The following CALN1 variants were observed in gnomAD, a reference collection of about 807,000 sequenced individuals.
The protein encoded by CALN1 is calneuron 1.
In CALN1, 17 loss-of-function variants were observed where a neutral mutation model predicts 30.6. The ratio of observed to expected loss-of-function variants is 0.56; its 90% CI spans 0.38 to 0.83. CALN1 has a LOEUF of 0.83. Among genes scored for constraint, CALN1 ranks in the 40% least tolerant of loss-of-function variants. The pLI is 0.00. For synonymous variants in CALN1, 156 were observed against 131.4 expected (o/e 1.19, Z -1.28); for missense variants, 291 against 354.9 (o/e 0.82, Z 1.45).
intron 5 of CALN1, among the ~76,000 whole-genome samples, chr7:71,974,147 G>T (rs1167209418): frequency 6.6e-6 from 1 of 152,102 alleles, no homozygotes; most frequent in Non-Finnish European, 1.5e-5. Flanking sequence ...GCTGGGCATG[G>T]TGGTTCACGC....
chr7:72,328,674 C>A (rs1438860104), intron 2 of CALN1, among the ~76,000 whole-genome samples: 2 of 152,156 alleles, frequency 1.3e-5, no homozygotes, highest in Non-Finnish European at 2.9e-5. Flanking sequence ...CTATTCAAGG[C>A]ATTGGTGATC....
intron 3 of CALN1, among the ~76,000 whole-genome samples, chr7:72,231,229 C>A (rs1794077462): frequency 6.6e-6 from 1 of 151,840 alleles, no homozygotes; most frequent in Non-Finnish European, 1.5e-5. Flanking sequence ...CAACCCACCA[C>A]TTAGGTATTA....
rs189712643 is a variant in CALN1, at chr7:71,954,497, T to A, written c.501+69160A>T. On this transcript the variant is annotated intron_variant, in intron 5 of 6. Coordinates refer to ENST00000395275, the MANE Select transcript of CALN1 (RefSeq NM_031468.4). ...TTAAAAAAAAAATTAAAAATAATAA[T>A]AAAAATTAGCTGGGCATAGTGGTGT... 5.5e-3 allele frequency among the ~76,000 whole-genome samples: 837 copies of A among 151,122 alleles called. 6 individuals carry two copies. Among genetic ancestry groups the A allele is most frequent in the African/African-American group, 0.02 (804 of 41,214 alleles).
chr7:72,277,450 G>A (rs1411790090), intron 3 of CALN1, among the ~76,000 whole-genome samples: 1 of 152,148 alleles, frequency 6.6e-6, no homozygotes, highest in Non-Finnish European at 1.5e-5. Flanking sequence ...ACCAGTCTTT[G>A]TCCAGACCAC....
upstream of CALN1, among the ~76,000 whole-genome samples, chr7:72,447,557 CT>C (rs1289476327): frequency 6.6e-6 from 1 of 152,164 alleles, no homozygotes; most frequent in East Asian, 1.9e-4. Context: ...GGGACACTGC[CT>C]GGGGAAAGTG....
intron 5 of CALN1, among the ~76,000 whole-genome samples, chr7:71,863,635 G>A (rs965111343): frequency 3.3e-5 from 5 of 150,698 alleles, no homozygotes; most frequent in African/African-American, 4.9e-5. Context: ...CTAGCTTGAT[G>A]CCATAGAAAA....
chr7:72,043,260 A>C (rs1363957549), intron 4 of CALN1, among the ~76,000 whole-genome samples: 1 of 152,180 alleles, frequency 6.6e-6, no homozygotes, highest in Non-Finnish European at 1.5e-5. Context: ...TTATCCTCAC[A>C]CAGCTGGTCA....
chr7:71,948,134 CCT>C (rs1796500586), intron 5 of CALN1, among the ~76,000 whole-genome samples: 2 of 151,964 alleles, frequency 1.3e-5, no homozygotes, highest in East Asian at 1.9e-4. Context: ...AGCCAGCACC[CCT>C]GAGGAAGATG....
intron 2 of CALN1, among the ~76,000 whole-genome samples, chr7:72,331,576 G>A (rs754434084): frequency 1.1e-4 from 17 of 152,200 alleles, no homozygotes; most frequent in Non-Finnish European, 2.4e-4. Flanking sequence ...CTTTGCCCAG[G>A]AAAGAATTCA....
intron 3 of CALN1, among the ~76,000 whole-genome samples, chr7:72,180,737 A>C (rs1056369149): frequency 2.0e-4 from 30 of 150,826 alleles, no homozygotes; most frequent in Non-Finnish European, 2.5e-4. Context: ...CCTCCCACGT[A>C]GCTGAAGGCT....
chr7:72,214,757 C>T (rs1244593150), intron 3 of CALN1, among the ~76,000 whole-genome samples: 1 of 152,030 alleles, frequency 6.6e-6, no homozygotes, highest in African/African-American at 2.4e-5. Flanking sequence ...TACAGCCACT[C>T]CCCGCCGCTC....
the CALN1 span, among the ~76,000 whole-genome samples, chr7:72,479,551 A>G: frequency 8.1e-5 from 10 of 123,510 alleles, no homozygotes; most frequent in African/African-American, 1.4e-4. Context: ...GTTATAGCAC[A>G]ATTTTTTTTT....
intron 5 of CALN1, among the ~76,000 whole-genome samples, chr7:72,015,707 G>A (rs1425286508): frequency 3.3e-5 from 5 of 152,126 alleles, no homozygotes; most frequent in Non-Finnish European, 5.9e-5. Flanking sequence ...GCCTCCTAAA[G>A]TGCTGGGATT....
intron 2 of CALN1, among the ~76,000 whole-genome samples, chr7:72,284,220 AG>A (rs1797919699): frequency 6.6e-6 from 1 of 152,122 alleles, no homozygotes; most frequent in East Asian, 1.9e-4. Flanking sequence ...ACTTGAGCCC[AG>A]GAGTTTGAGG....
intron 2 of CALN1, among the ~76,000 whole-genome samples, chr7:72,402,757 T>C (rs1806429819): frequency 6.6e-6 from 1 of 152,118 alleles, no homozygotes; most frequent in African/African-American, 2.4e-5. Context: ...AGGAGCATAA[T>C]TTTTTGGTGG....
intron 5 of CALN1, among the ~76,000 whole-genome samples, chr7:71,818,676 A>T (rs199728694): frequency 5.8e-3 from 20 of 3,476 alleles, no homozygotes; most frequent in South Asian, 0.011. Flanking sequence ...AGCTTATTTT[A>T]TTTATTTATT....
intron 5 of CALN1, among the ~76,000 whole-genome samples, chr7:71,994,875 C>T (rs1197152777): frequency 5.7e-5 from 8 of 139,380 alleles, no homozygotes; most frequent in Admixed American, 1.5e-4. Context: ...TTTTTCGAGA[C>T]GGAGTCTGGC....
intron 5 of CALN1, among the ~76,000 whole-genome samples, chr7:71,936,101 A>T (rs1795814847): frequency 6.6e-6 from 1 of 152,190 alleles, no homozygotes; most frequent in Non-Finnish European, 1.5e-5. Flanking sequence ...TAATGGCATC[A>T]CCTGCTGAGT....
At chr7:72,084,741 A>T (rs763313758) in intron 4 of CALN1, among the ~76,000 whole-genome samples, 2 of 152,180 alleles carry the variant, frequency 1.3e-5, no homozygotes, top group Non-Finnish European at 2.9e-5. Context: ...TCAAAGTTTC[A>T]AATGTCTGCT....
Sources: gnomAD v4.1 joint callset for allele counts (sites outside exome capture counted in the v4.1 genomes callset) on GRCh38, gnomAD v4.1.1 for gene constraint, MANE v1.5 for transcripts, NCBI Gene and HGNC (gene_info 2026-07-23, HGNC 2026-07-21) for gene names.